The following PRKG1 variants were observed in gnomAD, a reference collection of about 807,000 sequenced individuals.
The protein encoded by PRKG1 is cGMP-dependent protein kinase 1.
In PRKG1, 35 loss-of-function variants were observed where a neutral mutation model predicts 88.1. The ratio of observed to expected loss-of-function variants is 0.40; its 90% CI spans 0.30 to 0.53. The LOEUF (loss-of-function observed/expected upper bound fraction) is 0.53, where lower values mean the gene tolerates loss of function less well. Among genes scored for constraint, PRKG1 ranks in the 20% least tolerant of loss-of-function variants. The pLI, the probability that PRKG1 is intolerant of heterozygous loss-of-function variation, is 0.59. For missense variants in PRKG1, 540 were observed against 839.8 expected, an observed-to-expected ratio of 0.64 and a Z score of 4.41; for synonymous variants, 303 against 292.5, an observed-to-expected ratio of 1.04 and a Z score of -0.37.
intron 2 of PRKG1, among the ~76,000 whole-genome samples, chr10:51,220,453 C>T (rs899950995): frequency 6.6e-6 from 1 of 152,034 alleles, no homozygotes; most frequent in African/African-American, 2.4e-5. Flanking sequence ...GGAAAAGAAA[C>T]AAAGACCAAA....
chr10:51,257,258 A>T (rs931010064), intron 2 of PRKG1, among the ~76,000 whole-genome samples: 2 of 151,828 alleles, frequency 1.3e-5, no homozygotes, highest in African/African-American at 4.8e-5. Context: ...TGCCCATCAG[A>T]CAGCTGGAGA....
At chr10:51,655,812 G>C (rs559328282) in intron 3 of PRKG1, among the ~76,000 whole-genome samples, 1 of 152,172 alleles carries the variant, frequency 6.6e-6, no homozygotes, top group East Asian at 1.9e-4. Flanking sequence ...TTGAGAATTA[G>C]CATAGAGATG....
chr10:51,556,702 A>G (rs1306689395), intron 3 of PRKG1, among the ~76,000 whole-genome samples: 10 of 152,018 alleles, frequency 6.6e-5, no homozygotes, highest in African/African-American at 1.9e-4. Context: ...TGGCAACGAT[A>G]GACACTGGGA....
At chr10:51,039,803 A>T (rs914066417) in intron 1 of PRKG1, among the ~76,000 whole-genome samples, 2 of 152,192 alleles carry the variant, frequency 1.3e-5, no homozygotes, top group Non-Finnish European at 2.9e-5. Context: ...GTTCTTCTGC[A>T]TATGGATATC....
chr10:51,006,298 T>G (rs1409758372), intron 1 of PRKG1, among the ~76,000 whole-genome samples: 2 of 152,214 alleles, frequency 1.3e-5, no homozygotes, highest in Non-Finnish European at 2.9e-5. Flanking sequence ...GACGTTATCA[T>G]GCAAAAATAC....
chr10:51,107,302 C>T (rs1198311909), intron 1 of PRKG1, among the ~76,000 whole-genome samples: 1 of 151,942 alleles, frequency 6.6e-6, no homozygotes, highest in Admixed American at 6.6e-5. Context: ...GGATATTATC[C>T]CAATGCAATA....
chr10:51,065,589 T>G lies in PRKG1; in HGVS notation c.266+73945T>G, dbSNP rs1343527566. The stretch of plus-strand genomic sequence containing the variant: ...AAACTAAGCCTCTGATATGTTTGAT[T>G]TATTAAATATTACACAACACCATCA... On this transcript the variant is annotated intron_variant, in intron 1 of 17. Coordinates refer to the PRKG1 transcript ENST00000401604. 2.0e-5 allele frequency among the ~76,000 whole-genome samples: 3 copies of G among 152,162 alleles called. No individual in the cohort carries two copies. The East Asian group carries it at 5.8e-4, about 29-fold the overall frequency.
chr10:51,241,911 C>T (rs779944722), intron 2 of PRKG1, among the ~76,000 whole-genome samples: 1 of 151,924 alleles, frequency 6.6e-6, no homozygotes, highest in Non-Finnish European at 1.5e-5. Context: ...ATTTAGAACC[C>T]TGGATACCAA....
intron 1 of PRKG1, among the ~76,000 whole-genome samples, chr10:51,098,885 T>C (rs746410687): frequency 3.9e-5 from 6 of 152,164 alleles, no homozygotes; most frequent in Non-Finnish European, 7.3e-5. Context: ...TGATGGTTTT[T>C]CAGACATCAA....
At chr10:51,401,211 T>A (rs941099888) in intron 2 of PRKG1, among the ~76,000 whole-genome samples, 4 of 152,252 alleles carry the variant, frequency 2.6e-5, no homozygotes, top group Non-Finnish European at 4.4e-5. Flanking sequence ...TTATTCTACA[T>A]TCTTTTTAAG....
chr10:52,196,291 C>T (rs1364132522), intron 9 of PRKG1, among the ~76,000 whole-genome samples: 1 of 152,180 alleles, frequency 6.6e-6, no homozygotes, highest in African/African-American at 2.4e-5. Context: ...CCTGGGATTA[C>T]AGGCGTGAGC....
chr10:52,262,016 G>A (rs543335233), intron 10 of PRKG1, among the ~76,000 whole-genome samples: 13 of 151,986 alleles, frequency 8.6e-5, no homozygotes, highest in Admixed American at 2.6e-4. Context: ...TTTTTCTTTC[G>A]CCATGAAAGT....
At chr10:51,905,436 G>T (rs1038354035) in intron 4 of PRKG1, among the ~76,000 whole-genome samples, 1 of 152,052 alleles carries the variant, frequency 6.6e-6, no homozygotes, top group African/African-American at 2.4e-5. Context: ...TTGTAATCAA[G>T]CCAAAATTAT....
At chr10:51,407,829 T>C (rs948277411) in intron 2 of PRKG1, among the ~76,000 whole-genome samples, 5 of 152,154 alleles carry the variant, frequency 3.3e-5, no homozygotes, top group African/African-American at 1.2e-4. Flanking sequence ...CTTACCTCCA[T>C]TGTGGAGTAG....
At chr10:52,153,084 A>C (rs1174027740) in intron 8 of PRKG1, among the ~76,000 whole-genome samples, 1 of 152,180 alleles carries the variant, frequency 6.6e-6, no homozygotes, top group African/African-American at 2.4e-5. Context: ...GGTGAGAGAG[A>C]AAGTGAGTGG....
chr10:51,547,426 A>G (rs926886116), intron 3 of PRKG1, among the ~76,000 whole-genome samples: 9 of 152,132 alleles, frequency 5.9e-5, no homozygotes, highest in African/African-American at 2.2e-4. Context: ...GCAAATTTAT[A>G]TGTTTCAACC....
At chr10:51,859,772 C>A (rs537435848) in intron 4 of PRKG1, among the ~76,000 whole-genome samples, 70 of 152,222 alleles carry the variant, frequency 4.6e-4, no homozygotes, top group Admixed American at 9.8e-4. Flanking sequence ...TTCTATTTCC[C>A]ATACAAAAAA....
chr10:51,862,669 T>C (rs192548841), intron 4 of PRKG1, among the ~76,000 whole-genome samples: 3 of 152,264 alleles, frequency 2.0e-5, no homozygotes, highest in Admixed American at 2.0e-4. Flanking sequence ...CTGGTCATAC[T>C]CTACTCAGAA....
chr10:51,221,876 C>CTTTTTTTTTT (rs11405552), intron 2 of PRKG1, among the ~76,000 whole-genome samples: 2 of 127,176 alleles, frequency 1.6e-5, no homozygotes. Flanking sequence ...TCTTTTCTTT[C>CTTTTTTTTTT]TTTTTTTTTT....
Sources: allele counts gnomAD v4.1 joint callset (sites outside exome capture counted in the v4.1 genomes callset), GRCh38; gene constraint gnomAD v4.1.1; transcripts MANE v1.5; gene names NCBI Gene and HGNC (gene_info 2026-07-23, HGNC 2026-07-21).